MAML3: variants seen among roughly 807,000 people sequenced by gnomAD.
MAML3 encodes the protein mastermind-like protein 3.
Under a neutral mutation model 101.9 loss-of-function variants are expected in MAML3, and 27 were observed. The observed-to-expected ratio is 0.27, with a 90% CI of 0.20 to 0.37. The LOEUF (loss-of-function observed/expected upper bound fraction) is 0.37. Among genes scored for constraint, MAML3 ranks in the 10% least tolerant of loss-of-function variants. The pLI is 1.00. For synonymous variants in MAML3, 501 were observed against 555.9 expected, an observed-to-expected ratio of 0.90 and a Z score of 1.39; for missense variants, 1,316 against 1,444.9, an observed-to-expected ratio of 0.91 and a Z score of 1.45.
At chr4:140,050,084 T>G (rs1447282540) in intron 1 of MAML3, among the ~76,000 whole-genome samples, 1 of 152,188 alleles carries the variant, frequency 6.6e-6, no homozygotes, top group Non-Finnish European at 1.5e-5. Flanking sequence ...ATAGAAGTTC[T>G]GAAAGCTCAC....
intron 1 of MAML3, among the ~76,000 whole-genome samples, chr4:140,123,637 C>T (rs1286568686): frequency 6.6e-6 from 1 of 152,182 alleles, no homozygotes; most frequent in Non-Finnish European, 1.5e-5. Flanking sequence ...TCAGAAGACT[C>T]ACATCTGAAG....
At chr4:139,921,719 C>G (rs1215174113) in intron 1 of MAML3, among the ~76,000 whole-genome samples, 1 of 152,166 alleles carries the variant, frequency 6.6e-6, no homozygotes, top group Non-Finnish European at 1.5e-5. Flanking sequence ...CTGGAGCCTG[C>G]CCTCTCCCAC....
At chr4:139,934,111 G>A (rs890097482) in intron 1 of MAML3, among the ~76,000 whole-genome samples, 6 of 152,148 alleles carry the variant, frequency 3.9e-5, no homozygotes, top group Admixed American at 3.9e-4. Flanking sequence ...GTGTGTCTAT[G>A]TGTGTGAATA....
At chr4:139,941,549 T>C (rs963813417) in intron 1 of MAML3, among the ~76,000 whole-genome samples, 2 of 151,738 alleles carry the variant, frequency 1.3e-5, no homozygotes, top group African/African-American at 2.4e-5. Context: ...TTGTTGGTGG[T>C]GGTGGTGGTG....
intron 2 of MAML3, among the ~76,000 whole-genome samples, chr4:139,782,506 A>G (rs1252473085): frequency 6.6e-6 from 1 of 152,194 alleles, no homozygotes; most frequent in Non-Finnish European, 1.5e-5. Context: ...ACTAATATTA[A>G]CAGTTTACAT....
intron 1 of MAML3, among the ~76,000 whole-genome samples, chr4:140,074,730 C>T (rs939840537): frequency 1.3e-5 from 2 of 152,114 alleles, no homozygotes; most frequent in Admixed American, 1.3e-4. Context: ...CTTATAGGGG[C>T]CATATAAATT....
chr4:140,078,028 A>AT (rs1553973337), intron 1 of MAML3, among the ~76,000 whole-genome samples: 1 of 147,960 alleles, frequency 6.8e-6, no homozygotes, highest in Non-Finnish European at 1.5e-5. Context: ...AATAAATAAA[A>AT]AAATAAATAA....
At chr4:139,791,502 C>CAAAAAA (rs534133306) in intron 2 of MAML3, among the ~76,000 whole-genome samples, 4 of 95,102 alleles carry the variant, frequency 4.2e-5, no homozygotes, top group African/African-American at 1.4e-4. Context: ...GACTCCATCT[C>CAAAAAA]AAAAAAAAAA....
At chr4:140,140,558 G>T (rs1728963362) in intron 1 of MAML3, among the ~76,000 whole-genome samples, 1 of 151,926 alleles carries the variant, frequency 6.6e-6, no homozygotes, top group Admixed American at 6.6e-5. Context: ...CAAAGGTTCA[G>T]AATAAAGAAG....
At chr4:140,144,997 A>C (rs1285902517) in intron 1 of MAML3, among the ~76,000 whole-genome samples, 1 of 152,232 alleles carries the variant, frequency 6.6e-6, no homozygotes, top group Non-Finnish European at 1.5e-5. Flanking sequence ...AGTGAGAATA[A>C]AGGGCACAAG....
chr4:139,732,889 G>A (rs1011752429), intron 2 of MAML3, among the ~76,000 whole-genome samples: 1 of 152,042 alleles, frequency 6.6e-6, no homozygotes, highest in African/African-American at 2.4e-5. Flanking sequence ...TTTTGCCTTT[G>A]TGTATTTTCT....
In MAML3 at chr4:139,889,981, T is replaced by C. The variant is rs3733382; in HGVS notation, c.1455A>G (p.Lys485=). 1,060,915 of 1,439,018 alleles carry C rather than the reference T, an allele frequency of 0.74. 413,069 individuals carry two copies. The highest frequency in any genetic ancestry group is 0.79 in the Non-Finnish European group (816,822 of 1,027,606). 89.1% of individuals were successfully genotyped at this position (1,439,018 alleles called of 1,614,324 possible). A position where few individuals can be genotyped will look rare whatever the true frequency, so the allele number is the denominator to read the frequency against. Residue 485 remains lysine, a synonymous_variant, in exon 2 of 5, where the codon AAA becomes AAG. Transcript: ENST00000509479. ...QQQRAKLMQQ[K]QQQQQQQQQQ... ...GCTGCTGCTGCTGTTGCTGTTGCTG[T>C]TTCTGCTGCATGAGTTTGGCCCTTT...
At chr4:139,991,869 T>C (rs4241933) in intron 1 of MAML3, among the ~76,000 whole-genome samples, 141,930 of 152,110 alleles carry the variant, frequency 0.93, 67,018 homozygotes, top group East Asian at 1. Context: ...CAACAAACCA[T>C]CTATTTTAAG....
chr4:140,069,371 G>C (rs1578668373), intron 1 of MAML3, among the ~76,000 whole-genome samples: 2 of 134,830 alleles, frequency 1.5e-5, no homozygotes. Flanking sequence ...AGAAGAAGAA[G>C]AAGAAGAAGA....
At chr4:139,766,169 C>T (rs4073315) in intron 2 of MAML3, among the ~76,000 whole-genome samples, 129,664 of 141,276 alleles carry the variant, frequency 0.92, 59,851 homozygotes, top group Non-Finnish European at 0.99. Context: ...CATGGTCTTT[C>T]TTTTTGGGGG....
chr4:140,139,720 C>T (rs1728950987), intron 1 of MAML3, among the ~76,000 whole-genome samples: 1 of 152,148 alleles, frequency 6.6e-6, no homozygotes. Flanking sequence ...TTGTTATAAT[C>T]AGATAGCTAT....
chr4:139,986,426 C>G (rs1192216632), intron 1 of MAML3, among the ~76,000 whole-genome samples: 1 of 152,208 alleles, frequency 6.6e-6, no homozygotes, highest in Admixed American at 6.5e-5. Flanking sequence ...AACTACAGAA[C>G]TACTTTTAGT....
chr4:139,928,402 C>T (rs1733310148), intron 1 of MAML3, among the ~76,000 whole-genome samples: 1 of 152,058 alleles, frequency 6.6e-6, no homozygotes, highest in Admixed American at 6.5e-5. Flanking sequence ...AGTTTATGGG[C>T]TACAAGAAAA....
At chr4:139,982,357 G>A (rs925275221) in intron 1 of MAML3, among the ~76,000 whole-genome samples, 1 of 152,022 alleles carries the variant, frequency 6.6e-6, no homozygotes, top group Non-Finnish European at 1.5e-5. Flanking sequence ...AACTCTTGCT[G>A]TTACAAGATA....
Sources: allele counts gnomAD v4.1 joint callset (sites outside exome capture counted in the v4.1 genomes callset), GRCh38; gene constraint gnomAD v4.1.1; transcripts MANE v1.5; gene names NCBI Gene and HGNC (gene_info 2026-07-23, HGNC 2026-07-21).